Variants in CD99 observed in about 807,000 individuals in gnomAD.
CD99 encodes the protein CD99 antigen.
A neutral mutation model predicts 28.4 loss-of-function variants in CD99; 19 were observed. That is an observed-to-expected ratio of 0.67 (90% CI 0.47 to 0.98). CD99 has a LOEUF of 0.98. CD99 is among the 50% of genes least tolerant of loss of function. The pLI, the probability that CD99 is intolerant of heterozygous loss-of-function variation, is 0.00. For missense variants in CD99, 283 were observed against 248.8 expected, an observed-to-expected ratio of 1.14 and a Z score of -0.92; for synonymous variants, 103 against 92.1, an observed-to-expected ratio of 1.12 and a Z score of -0.67.
intron 1 of CD99, among the ~76,000 whole-genome samples, chrX:2,704,878 C>A (rs543102340): frequency 4.6e-5 from 7 of 152,242 alleles, no homozygotes; most frequent in African/African-American, 1.2e-4. Flanking sequence ...CAACACCTGT[C>A]TAATTTTTGC....
At chrX:2,714,588 C>T (rs974803877) in intron 2 of CD99, 134 bp downstream of exon 2, 1 of 703,846 alleles carries the variant, frequency 1.4e-6, no homozygotes, top group African/African-American at 1.8e-5. Flanking sequence ...TTTTGGCTTC[C>T]CAGTACATAT....
At chrX:2,706,071 A>G (rs1365357319) in intron 1 of CD99, among the ~76,000 whole-genome samples, 2 of 151,496 alleles carry the variant, frequency 1.3e-5, no homozygotes, top group Non-Finnish European at 2.9e-5. Context: ...AAGAAAAAAA[A>G]AAAAAGAGCC....
chrX:2,737,981 T>C (rs771236282), intron 8 of CD99: 1 of 714,312 alleles, frequency 1.4e-6, no homozygotes. Flanking sequence ...TTGAAGTTCA[T>C]CTCTGCCTGT....
At chrX:2,710,938 T>A (rs1425617992) in intron 1 of CD99, among the ~76,000 whole-genome samples, 2 of 145,082 alleles carry the variant, frequency 1.4e-5, no homozygotes, top group African/African-American at 5.1e-5. Context: ...TGGCATGATC[T>A]CTGCTCACTG....
chrX:2,712,052 G>T (rs1161351366), intron 1 of CD99, among the ~76,000 whole-genome samples: 1 of 152,094 alleles, frequency 6.6e-6, no homozygotes, highest in Non-Finnish European at 1.5e-5. Context: ...GAAAAAAGAA[G>T]GAAGTCCTGC....
chrX:2,736,580 G>A (rs1172575764), intron 8 of CD99, among the ~76,000 whole-genome samples: 5 of 151,872 alleles, frequency 3.3e-5, no homozygotes, highest in East Asian at 1.9e-4. Context: ...ATAGAGGGCC[G>A]GGCGTGGTGG....
intron 1 of CD99, among the ~76,000 whole-genome samples, chrX:2,695,018 C>T (rs1018649600): frequency 9.9e-5 from 15 of 152,160 alleles, no homozygotes; most frequent in South Asian, 8.3e-4. Flanking sequence ...GGAATGTTTT[C>T]GGACTCAGAT....
chrX:2,720,397 C>G lies in CD99; in HGVS notation c.235C>G (p.Pro79Ala), dbSNP rs1436905504. The G allele has an allele frequency of 6.2e-7, 1 of 1,613,822 alleles. No homozygotes were observed. The highest frequency in any genetic ancestry group is 1.7e-5 in the Admixed American group (1 of 59,988). Residue 79 changes from proline (P) to alanine (A), a missense_variant, in exon 5 of 10, where the codon CCA becomes GCA. By Grantham distance (27) the Pro-to-Ala change is conservative (BLOSUM62 -1). Transcript: ENST00000381192. The part of the protein sequence containing the change: ...PPNPPKPMPN[P>A]NPNHPSSSGS... ...GAACCCACCCAAACCGATGCCAAAT[C>G]CAAACCCCAACCACCCTAGTTCCTC...
chrX:2,698,533 C>A (rs952966234), intron 1 of CD99, among the ~76,000 whole-genome samples: 2 of 152,058 alleles, frequency 1.3e-5, no homozygotes, highest in African/African-American at 4.8e-5. Context: ...GTGGTGTGAT[C>A]TCAGCTCACT....
Position 2,696,121 on chromosome X carries a change from AT to A in CD99, c.67+4699del, listed in dbSNP as rs747382083. On this transcript the variant is annotated intron_variant, in intron 1 of 9. Transcript: ENST00000381192. ...TAGTACCCTCAACAAAGAACAGTCC[AT>A]TTTTAGAGAATTGGCAGAGAAAGAC... Among the ~76,000 whole-genome samples the A allele has an allele frequency of 5.3e-5, 8 of 152,318 alleles. No homozygotes were observed. In the South Asian group the frequency reaches 1.7e-3, roughly 32 times the overall value.
intron 1 of CD99, among the ~76,000 whole-genome samples, chrX:2,713,371 G>A (rs779077676): frequency 6.8e-5 from 10 of 146,918 alleles, no homozygotes; most frequent in South Asian, 2.2e-4. Context: ...CACAAAACAC[G>A]CCTACACATA....
intron 1 of CD99, among the ~76,000 whole-genome samples, chrX:2,713,867 C>T (rs1173472671): frequency 4.6e-5 from 7 of 152,144 alleles, no homozygotes; most frequent in Non-Finnish European, 1.0e-4. Context: ...TGGCCAGCCA[C>T]GTTGAAGTAG....
chrX:2,714,724 C>T (rs776988353), intron 2 of CD99: 25 of 346,630 alleles, frequency 7.2e-5, no homozygotes, highest in Middle Eastern at 7.6e-4. Flanking sequence ...GGAAGTGGGG[C>T]ACGTGCTGTT....
chrX:2,712,068 G>T (rs311065), intron 1 of CD99, among the ~76,000 whole-genome samples: 2,305 of 152,194 alleles, frequency 0.015, 67 homozygotes, highest in African/African-American at 0.053. Flanking sequence ...CCTGCCATTT[G>T]CAACAACATG....
intron 8 of CD99, chrX:2,733,597 T>G: frequency 3.7e-6 from 2 of 545,578 alleles, no homozygotes; most frequent in Non-Finnish European, 6.7e-6. Context: ...GCAAATCATA[T>G]TTCTGCATAA....
At chrX:2,726,445 A>G in intron 8 of CD99, 72 bp downstream of exon 8, 3 of 1,007,150 alleles carry the variant, frequency 3.0e-6, no homozygotes, top group Non-Finnish European at 4.7e-6. Context: ...TTTAAAAGGC[A>G]GAAACCAAAC....
intron 8 of CD99, among the ~76,000 whole-genome samples, chrX:2,731,030 T>C (rs2049577967): frequency 6.6e-6 from 1 of 151,896 alleles, no homozygotes; most frequent in Admixed American, 6.6e-5. Flanking sequence ...CTGCATCCAC[T>C]CACAGCTTGG....
At chrX:2,727,123 T>A in intron 8 of CD99, among the ~76,000 whole-genome samples, 1 of 152,096 alleles carries the variant, frequency 6.6e-6, no homozygotes, top group East Asian at 1.9e-4. Flanking sequence ...GGCGACAGAG[T>A]GAGACTCCGT....
At chrX:2,738,060 T>A in intron 8 of CD99, 140 bp from the exon 9 acceptor site, 1 of 794,910 alleles carries the variant, frequency 1.3e-6, no homozygotes, top group Non-Finnish European at 2.3e-6. Flanking sequence ...TCCCAGTGGG[T>A]CTCGGGGTTC....
Sources: gnomAD v4.1 joint callset for allele counts (sites outside exome capture counted in the v4.1 genomes callset) on GRCh38, gnomAD v4.1.1 for gene constraint, MANE v1.5 for transcripts, NCBI Gene and HGNC (gene_info 2026-07-23, HGNC 2026-07-21) for gene names.